CNTNAP2: variants seen among roughly 807,000 people sequenced by gnomAD.
The protein encoded by CNTNAP2 is contactin-associated protein-like 2.
CNTNAP2 carries 98 observed loss-of-function variants against 155.2 expected under a neutral mutation model. That is an observed-to-expected ratio of 0.63 (90% CI 0.54 to 0.75). The LOEUF is 0.75. CNTNAP2 is among the 30% of genes least tolerant of loss of function. CNTNAP2 has a pLI of 0.00. For missense variants in CNTNAP2, 1,727 were observed against 1,688.1 expected (o/e 1.02, Z -0.40); for synonymous variants, 651 against 631.2 (o/e 1.03, Z -0.47).
intron 1 of CNTNAP2, among the ~76,000 whole-genome samples, chr7:146,376,171 C>G (rs973897460): frequency 2.0e-5 from 3 of 152,138 alleles, no homozygotes; most frequent in Non-Finnish European, 2.9e-5. Context: ...TCTCCACAAC[C>G]TAATTTAGAA....
rs575012715 is a variant in CNTNAP2 at position 148,322,143 on chromosome 7, G to A, written c.3475+55017G>A. Among the ~76,000 whole-genome samples, 7 of 151,896 alleles carry A rather than the reference G, an allele frequency of 4.6e-5. No homozygotes were observed. In the South Asian group the frequency reaches 6.2e-4, roughly 14 times the overall value. On this transcript the variant is annotated intron_variant, in intron 21 of 23. Transcript: ENST00000361727. ...TCACCATGTCGGCCAGGCTGCTCTC[G>A]AACTCCTAACCTCAGGGGATCCGCC...
At chr7:146,150,271 G>C (rs567431180) in intron 1 of CNTNAP2, among the ~76,000 whole-genome samples, 2 of 152,178 alleles carry the variant, frequency 1.3e-5, no homozygotes, top group South Asian at 4.1e-4. Flanking sequence ...TGGTGAAGAG[G>C]TGAAGTAACT....
intron 9 of CNTNAP2, among the ~76,000 whole-genome samples, chr7:147,335,248 A>G (rs1795645416): frequency 6.6e-6 from 1 of 152,198 alleles, no homozygotes; most frequent in Non-Finnish European, 1.5e-5. Context: ...TGCTTCTAAT[A>G]GAATAACCTA....
chr7:147,953,137 A>G (rs1000141903), intron 14 of CNTNAP2, among the ~76,000 whole-genome samples: 2 of 152,218 alleles, frequency 1.3e-5, no homozygotes, highest in African/African-American at 2.4e-5. Flanking sequence ...TTCCGTTGCT[A>G]CGTGTCTTGC....
intron 8 of CNTNAP2, among the ~76,000 whole-genome samples, chr7:147,270,945 T>TCTTCC (rs1163948317): frequency 1.3e-5 from 2 of 152,180 alleles, no homozygotes; most frequent in Non-Finnish European, 2.9e-5. Context: ...ATGACTCTTC[T>TCTTCC]CTTCCCCCTA....
chr7:148,022,036 C>A (rs1165224796), intron 15 of CNTNAP2, among the ~76,000 whole-genome samples: 1 of 152,188 alleles, frequency 6.6e-6, no homozygotes, highest in South Asian at 2.1e-4. Flanking sequence ...ATCTTGCTCT[C>A]TCTCCCTGGA....
At chr7:147,022,607 G>GTTTT (rs147330335) in intron 3 of CNTNAP2, among the ~76,000 whole-genome samples, 2 of 134,486 alleles carry the variant, frequency 1.5e-5, no homozygotes. Context: ...ACAAACACAT[G>GTTTT]GTTTTTTTTT....
rs190331593 is a variant in CNTNAP2 at position 148,395,282 on chromosome 7, T to G, written c.3715+11394T>G. 1.4e-3 allele frequency among the ~76,000 whole-genome samples: 211 copies of G among 152,184 alleles called. 2 individuals are homozygous for G. Among genetic ancestry groups the G allele is most frequent in the African/African-American group, 4.8e-3 (201 of 41,526 alleles). ...ACTTTCTAATTTGAATGTTTGGCTC[T>G]CTCTCTTATTTTCCTTCTTGGTGGG... is the stretch of plus-strand genomic sequence containing the variant. On this transcript the variant is annotated intron_variant, in intron 22 of 23. Transcript: ENST00000361727.
intron 5 of CNTNAP2, among the ~76,000 whole-genome samples, chr7:147,118,694 G>C (rs1161400008): frequency 1.3e-5 from 2 of 151,982 alleles, no homozygotes; most frequent in East Asian, 3.9e-4. Flanking sequence ...GCATGTTACT[G>C]TACTGAATAC....
At chr7:147,303,147 A>T (rs1230011153) in intron 9 of CNTNAP2, among the ~76,000 whole-genome samples, 2 of 152,194 alleles carry the variant, frequency 1.3e-5, no homozygotes, top group Non-Finnish European at 2.9e-5. Context: ...CCATCTTCAC[A>T]CAAGGCTGGG....
chr7:147,191,493 G>A (rs1333844436), intron 8 of CNTNAP2, among the ~76,000 whole-genome samples: 1 of 152,072 alleles, frequency 6.6e-6, no homozygotes. Context: ...GGAGGCTGTG[G>A]CTTATTTTCC....
chr7:148,363,948 C>T (rs1206659430), intron 21 of CNTNAP2, among the ~76,000 whole-genome samples: 1 of 152,152 alleles, frequency 6.6e-6, no homozygotes, highest in Admixed American at 6.5e-5. Context: ...GGACTTAGCA[C>T]CCGGGCCAGT....
intron 15 of CNTNAP2, among the ~76,000 whole-genome samples, chr7:148,086,794 C>G (rs1803739293): frequency 6.6e-6 from 1 of 152,118 alleles, no homozygotes; most frequent in South Asian, 2.1e-4. Context: ...GGACACAGAT[C>G]CAGGTGTCTA....
At chr7:146,400,502 A>G (rs1795698865) in intron 1 of CNTNAP2, among the ~76,000 whole-genome samples, 1 of 152,242 alleles carries the variant, frequency 6.6e-6, no homozygotes, top group African/African-American at 2.4e-5. Context: ...TAAGGCTGTC[A>G]CATAACTAGA....
chr7:146,712,169 CAA>C lies in CNTNAP2; in HGVS notation c.98-62100_98-62099del, dbSNP rs1164727353. Among the ~76,000 whole-genome samples, 1,024 of 114,974 alleles carry C rather than the reference CAA, an allele frequency of 8.9e-3. 133 individuals are homozygous for C. The highest frequency in any genetic ancestry group is 0.028 in the African/African-American group (781 of 28,140). The allele number at this position is 114,974 out of a possible 152,430, so 75.4% of individuals were successfully genotyped here. ...ATATAGTATACATATCTTATGTATA[CAA>C]ATATGTATACATATCTTATGTATAC... On this transcript the variant is annotated intron_variant, in intron 1 of 23. Coordinates refer to ENST00000361727, the MANE Select transcript of CNTNAP2 (RefSeq NM_014141.6).
intron 14 of CNTNAP2, among the ~76,000 whole-genome samples, chr7:147,974,856 A>G (rs560560383): frequency 2.0e-5 from 3 of 152,054 alleles, no homozygotes; most frequent in African/African-American, 2.4e-5. Flanking sequence ...TAACACATCT[A>G]TAAGAACATT....
chr7:147,203,206 T>G (rs535595300), intron 8 of CNTNAP2, among the ~76,000 whole-genome samples: 1 of 152,272 alleles, frequency 6.6e-6, no homozygotes, highest in South Asian at 2.1e-4. Context: ...GATTAAAATT[T>G]TTTGTAACTG....
At chr7:146,223,498 C>G (rs1001166556) in intron 1 of CNTNAP2, among the ~76,000 whole-genome samples, 1 of 152,132 alleles carries the variant, frequency 6.6e-6, no homozygotes, top group African/African-American at 2.4e-5. Context: ...CTCACTGTCA[C>G]CCTTCTGTCT....
At chr7:147,897,549 T>C (rs1416201186) in intron 13 of CNTNAP2, among the ~76,000 whole-genome samples, 1 of 152,166 alleles carries the variant, frequency 6.6e-6, no homozygotes, top group African/African-American at 2.4e-5. Context: ...AAAATGAATA[T>C]GATAATCAGT....
Sources: allele counts gnomAD v4.1 joint callset (sites outside exome capture counted in the v4.1 genomes callset), GRCh38; gene constraint gnomAD v4.1.1; transcripts MANE v1.5; gene names NCBI Gene and HGNC (gene_info 2026-07-23, HGNC 2026-07-21).